GRM7: variants seen among roughly 807,000 people sequenced by gnomAD.
The protein encoded by GRM7 is metabotropic glutamate receptor 7.
Under a neutral mutation model 84.5 loss-of-function variants are expected in GRM7, and 35 were observed. The observed-to-expected ratio is 0.41, with a 90% CI of 0.32 to 0.55. The LOEUF (loss-of-function observed/expected upper bound fraction) is 0.55, where lower values mean the gene tolerates loss of function less well. GRM7 is among the 20% of genes least tolerant of loss of function. The pLI is 0.19. For synonymous variants in GRM7, 487 were observed against 455.1 expected, an observed-to-expected ratio of 1.07 and a Z score of -0.89; for missense variants, 1,003 against 1,194.6, an observed-to-expected ratio of 0.84 and a Z score of 2.36.
intron 1 of GRM7, among the ~76,000 whole-genome samples, chr3:7,123,167 C>T (rs1258637733): frequency 1.3e-5 from 2 of 152,220 alleles, no homozygotes; most frequent in African/African-American, 2.4e-5. Context: ...CAATTCACTT[C>T]TATTTATTTT....
At chr3:7,200,880 A>G (rs1226024457) in intron 2 of GRM7, among the ~76,000 whole-genome samples, 2 of 152,020 alleles carry the variant, frequency 1.3e-5, no homozygotes, top group Non-Finnish European at 2.9e-5. Flanking sequence ...TTATTTTAAT[A>G]AATTGCCTCA....
At chr3:7,108,940 T>C (rs1692749845) in intron 1 of GRM7, among the ~76,000 whole-genome samples, 1 of 152,012 alleles carries the variant, frequency 6.6e-6, no homozygotes, top group Non-Finnish European at 1.5e-5. Flanking sequence ...TAGCATGCAA[T>C]TGGAGGTTTC....
At position 6,999,581 on chromosome 3, in the gene GRM7, C is replaced by A. The variant is rs987114755; in HGVS notation, c.519+137674C>A. Among the ~76,000 whole-genome samples, 6 of 152,154 alleles carry A rather than the reference C, an allele frequency of 3.9e-5. No homozygotes were observed. In the East Asian group the frequency reaches 1.2e-3, roughly 29 times the overall value. ...TGGTGCTATAAGGACACATCTGAGA[C>A]TGGGTAATTTATAAAGGAAAAAGGC... On this transcript the variant is annotated intron_variant, in intron 1 of 9. Transcript: ENST00000357716.
chr3:7,588,838 A>G (rs991549328), intron 8 of GRM7, among the ~76,000 whole-genome samples: 2 of 152,194 alleles, frequency 1.3e-5, no homozygotes, highest in African/African-American at 4.8e-5. Flanking sequence ...CCTCACTTTC[A>G]ACTGAGATGT....
intron 1 of GRM7, among the ~76,000 whole-genome samples, chr3:6,897,195 A>G (rs563386003): frequency 2.8e-4 from 42 of 152,318 alleles, no homozygotes; most frequent in African/African-American, 8.7e-4. Flanking sequence ...ACCTCATACT[A>G]TTGAACAGCT....
At chr3:7,319,637 A>G (rs973893951) in intron 4 of GRM7, among the ~76,000 whole-genome samples, 1 of 152,060 alleles carries the variant, frequency 6.6e-6, no homozygotes. Context: ...CTGATTTACT[A>G]TTTGAATATA....
At chr3:7,463,465 T>A (rs1559340616) in intron 7 of GRM7, among the ~76,000 whole-genome samples, 1 of 152,222 alleles carries the variant, frequency 6.6e-6, no homozygotes, top group Non-Finnish European at 1.5e-5. Flanking sequence ...TAAATACCTA[T>A]CAAGTTAGAA....
chr3:7,708,295 A>G (rs1335901966), intron 9 of GRM7, among the ~76,000 whole-genome samples: 1 of 152,004 alleles, frequency 6.6e-6, no homozygotes, highest in Non-Finnish European at 1.5e-5. Flanking sequence ...GAGTTGATGT[A>G]AGGTTAATAT....
intron 8 of GRM7, among the ~76,000 whole-genome samples, chr3:7,623,747 T>C (rs778047326): frequency 2.2e-4 from 34 of 152,102 alleles, no homozygotes; most frequent in Admixed American, 1.8e-3. Flanking sequence ...TAATCAGATG[T>C]GCACTAGTGA....
At chr3:7,367,111 A>T (rs1367306895) in intron 4 of GRM7, among the ~76,000 whole-genome samples, 1 of 151,104 alleles carries the variant, frequency 6.6e-6, no homozygotes, top group East Asian at 1.9e-4. Flanking sequence ...CAATTTTTAC[A>T]TCATTTATTT....
intron 9 of GRM7, among the ~76,000 whole-genome samples, chr3:7,690,491 C>T (rs571695840): frequency 6.6e-6 from 1 of 152,230 alleles, no homozygotes; most frequent in South Asian, 2.1e-4. Context: ...ACAAAGCCCA[C>T]CCTAAAAATA....
At chr3:7,333,621 GA>G (rs1701295407) in intron 4 of GRM7, among the ~76,000 whole-genome samples, 2 of 151,664 alleles carry the variant, frequency 1.3e-5, no homozygotes, top group African/African-American at 4.8e-5. Flanking sequence ...AAACCAAGAA[GA>G]AATGCCAGAT....
chr3:6,982,648 C>T (rs974835436), intron 1 of GRM7, among the ~76,000 whole-genome samples: 8 of 151,892 alleles, frequency 5.3e-5, no homozygotes, highest in African/African-American at 1.9e-4. Flanking sequence ...ACTTTATCGT[C>T]AGAGTCTCCC....
At chr3:7,138,194 A>G (rs1341320851) in intron 1 of GRM7, among the ~76,000 whole-genome samples, 1 of 152,038 alleles carries the variant, frequency 6.6e-6, no homozygotes, top group Non-Finnish European at 1.5e-5. Context: ...GTCCTAGCCC[A>G]TAACAGATAA....
chr3:7,127,544 T>C (rs1009073590), intron 1 of GRM7, among the ~76,000 whole-genome samples: 3 of 152,254 alleles, frequency 2.0e-5, no homozygotes, highest in African/African-American at 7.2e-5. Flanking sequence ...GCAAAGCTTC[T>C]AGTTAGGATA....
intron 7 of GRM7, among the ~76,000 whole-genome samples, chr3:7,515,187 A>C: frequency 6.7e-6 from 1 of 148,834 alleles, no homozygotes; most frequent in East Asian, 2.0e-4. Flanking sequence ...TTAAAACACA[A>C]GTGCAGTGTT....
intron 2 of GRM7, among the ~76,000 whole-genome samples, chr3:7,276,205 ATATGTGTG>A (rs1224976489): frequency 1.8e-4 from 16 of 90,002 alleles, no homozygotes; most frequent in Admixed American, 8.3e-4. Flanking sequence ...ATATATATAT[ATATGTGTG>A]TGTGTGTGTG....
At chr3:7,216,786 T>C (rs1376284750) in intron 2 of GRM7, among the ~76,000 whole-genome samples, 1 of 152,222 alleles carries the variant, frequency 6.6e-6, no homozygotes, top group African/African-American at 2.4e-5. Flanking sequence ...TTGCTCTCCC[T>C]GTTGATGTTG....
intron 1 of GRM7, among the ~76,000 whole-genome samples, chr3:6,923,083 C>T (rs1451105109): frequency 6.6e-6 from 1 of 152,052 alleles, no homozygotes; most frequent in African/African-American, 2.4e-5. Context: ...TGCGGAATCT[C>T]GGCTCATTGC....
Sources: allele counts gnomAD v4.1 joint callset (sites outside exome capture counted in the v4.1 genomes callset), GRCh38; gene constraint gnomAD v4.1.1; transcripts MANE v1.5; gene names NCBI Gene and HGNC (gene_info 2026-07-23, HGNC 2026-07-21).